CYP24A1: variants seen among roughly 807,000 people sequenced by gnomAD.
The protein encoded by CYP24A1 is cytochrome P450 family 24 subfamily A member 1.
A neutral mutation model predicts 62.4 loss-of-function variants in CYP24A1; 68 were observed. That is an observed-to-expected ratio of 1.09 (90% CI 0.90 to 1.33). The LOEUF is 1.33. Among genes scored for constraint, CYP24A1 ranks in the 40% most tolerant of loss-of-function variants. The pLI is 0.00. For missense variants in CYP24A1, 787 were observed against 653.0 expected (o/e 1.21, Z -2.24); for synonymous variants, 267 against 253.0 (o/e 1.06, Z -0.52).
downstream of CYP24A1, among the ~76,000 whole-genome samples, chr20:54,149,124 T>C (rs1326140834): frequency 1.3e-5 from 2 of 152,196 alleles, no homozygotes; most frequent in African/African-American, 4.8e-5. Context: ...TCATTAAATA[T>C]TTCCTTTTAC....
the CYP24A1 span, among the ~76,000 whole-genome samples, chr20:54,146,130 A>T: frequency 4.6e-5 from 7 of 152,352 alleles, no homozygotes; most frequent in Admixed American, 4.6e-4. Flanking sequence ...ATATAATGCC[A>T]ATCACACAGT....
downstream of CYP24A1, among the ~76,000 whole-genome samples, chr20:54,149,668 G>A (rs2092609662): frequency 6.6e-6 from 1 of 152,132 alleles, no homozygotes; most frequent in Non-Finnish European, 1.5e-5. Flanking sequence ...ACTTACACAG[G>A]GGATGGAGTG....
At position 54,172,995 on chromosome 20, in the gene CYP24A1, G is replaced by C. The variant is rs750735792; in HGVS notation, c.363C>G (p.Thr121=). The part of the protein sequence containing the change: ...SPCLLEALYR[T]ESAYPQRLEI... Reference sequence around the variant, plus strand: ...CCAGCCGCTGCGGGTACGCGCTCTCGGTGCGGTACAGCGCTTCCAGCAGGC... The same window carrying C: ...CCAGCCGCTGCGGGTACGCGCTCTCCGTGCGGTACAGCGCTTCCAGCAGGC... The change falls in exon 2 of 12, where the codon ACC becomes ACG. Residue 121 remains threonine, a synonymous_variant. Coordinates refer to ENST00000216862, the MANE Select transcript of CYP24A1 (RefSeq NM_000782.5). The C allele has an allele frequency of 8.1e-6, 13 of 1,612,420 alleles. No individual in the cohort carries two copies. The Middle Eastern group carries it at 5.0e-4, about 61-fold the overall frequency.
At chr20:54,169,434 G>A (rs1287262683) in intron 4 of CYP24A1, among the ~76,000 whole-genome samples, 158 bp downstream of exon 4, 1 of 152,134 alleles carries the variant, frequency 6.6e-6, no homozygotes, top group Middle Eastern at 3.2e-3. Context: ...CATAGTTCAA[G>A]GCATAACTTA....
At chr20:54,148,752 A>G (rs1006222796), downstream of CYP24A1, among the ~76,000 whole-genome samples, 22 of 152,230 alleles carry the variant, frequency 1.4e-4, no homozygotes, top group African/African-American at 5.3e-4. Flanking sequence ...GACAGTGTAA[A>G]AATTATAACC....
At chr20:54,155,502 G>C (rs1568964094) in intron 11 of CYP24A1, among the ~76,000 whole-genome samples, 2 of 152,092 alleles carry the variant, frequency 1.3e-5, no homozygotes, top group Non-Finnish European at 2.9e-5. Flanking sequence ...GGGAGGCCGA[G>C]GCGGGTGGAT....
At position 54,165,757 on chromosome 20, in the gene CYP24A1, G is replaced by A; in HGVS notation, c.717C>T (p.Ile239=). ...KNAGDEAVNF[I]MAIKTMMSTF... is the part of the protein sequence containing the mutation. The stretch of plus-strand genomic sequence containing the variant: ...GGCTGCTTACTGTTTTGATGGCCAT[G>A]ATGAAGTTCACAGCTTCATCCCCTG... The change falls in exon 5 of 12, where the codon ATC becomes ATT. Residue 239 remains isoleucine, a synonymous_variant. Transcript: ENST00000216862. 1 of 1,492,710 alleles carries A rather than the reference G, an allele frequency of 6.7e-7. No individual in the cohort carries two copies. Among genetic ancestry groups the A allele is most frequent in the African/African-American group, 1.4e-5 (1 of 72,778 alleles). 92.5% of individuals were successfully genotyped at this position (1,492,710 alleles called of 1,614,324 possible).
the CYP24A1 span, among the ~76,000 whole-genome samples, chr20:54,145,639 CA>C: frequency 0.47 from 44,486 of 93,994 alleles, 7,795 homozygotes; most frequent in East Asian, 0.59. Context: ...GACTCTGTCT[CA>C]AAAAAAAAAA....
the CYP24A1 span, among the ~76,000 whole-genome samples, chr20:54,144,216 CTT>C: frequency 2.8e-4 from 39 of 141,696 alleles, no homozygotes; most frequent in East Asian, 4.0e-4. Flanking sequence ...CTCTTTCTTT[CTT>C]TTTTTTTTTT....
the CYP24A1 span, among the ~76,000 whole-genome samples, chr20:54,147,347 A>C: frequency 1.6e-4 from 24 of 152,230 alleles, no homozygotes; most frequent in African/African-American, 5.8e-4. Context: ...CTAAAAACCA[A>C]AGGAAAAAAA....
chr20:54,173,526 C>G lies in CYP24A1; in HGVS notation c.54G>C (p.Leu18=), dbSNP rs753717673. The G allele has an allele frequency of 1.8e-5, 28 of 1,575,256 alleles. No homozygotes were observed. The highest frequency in any genetic ancestry group is 2.4e-5 in the Non-Finnish European group (28 of 1,162,294). ...SRSLAAFLQQ[L]RSPRQPPRLV... ...GTCTCGGGGGCTGCCTCGGACTGCG[C>G]AGCTGCTGCAGGAAGGCGGCAAGCG... is the stretch of plus-strand genomic sequence containing the variant. The change falls in exon 1 of 12, where the codon CTG becomes CTC. Residue 18 remains leucine, a synonymous_variant. Transcript: ENST00000216862. This position sits in a 1 kb window ranked among gnomAD's most constrained non-coding sequence, Gnocchi z 7.2.
At chr20:54,144,514 C>T in the CYP24A1 span, among the ~76,000 whole-genome samples, 35 of 151,800 alleles carry the variant, frequency 2.3e-4, no homozygotes, top group South Asian at 6.2e-4. Flanking sequence ...CTCAGCCTCC[C>T]AAAGTGCTGA....
At chr20:54,164,414 GGGCTGGTTCT>G in intron 6 of CYP24A1, 28 bp downstream of exon 6, 1 of 1,613,790 alleles carries the variant, frequency 6.2e-7, no homozygotes, top group Non-Finnish European at 8.5e-7. Context: ...CGGGGGTGCT[GGGCTGGTTCT>G]GGCTGGTTGT....
the CYP24A1 span, among the ~76,000 whole-genome samples, chr20:54,146,136 ACAGT>A: frequency 6.6e-6 from 1 of 152,218 alleles, no homozygotes; most frequent in Admixed American, 6.5e-5. Flanking sequence ...TGCCAATCAC[ACAGT>A]CAGCCCTTAA....
intron 11 of CYP24A1, among the ~76,000 whole-genome samples, chr20:54,156,691 A>T (rs1385499600): frequency 6.6e-6 from 1 of 152,248 alleles, no homozygotes; most frequent in Admixed American, 6.5e-5. Flanking sequence ...AAGTTTTAGT[A>T]ATTTGCGGTG....
chr20:54,167,307 A>T (rs1465470015), intron 4 of CYP24A1, among the ~76,000 whole-genome samples: 2 of 152,162 alleles, frequency 1.3e-5, no homozygotes, highest in Non-Finnish European at 2.9e-5. Context: ...ACCACTGGGA[A>T]TATGTGAGAT....
At chr20:54,150,422 C>A (rs980678860), downstream of CYP24A1, among the ~76,000 whole-genome samples, 1 of 70,988 alleles carries the variant, frequency 1.4e-5, no homozygotes, top group African/African-American at 8.3e-5. Flanking sequence ...TAACCTCCGC[C>A]CCCCAGGTTC....
rs550482750 is a variant in CYP24A1, at chr20:54,173,479, G to T, written c.101C>A (p.Thr34Lys). The T allele has an allele frequency of 3.0e-5, 47 of 1,564,608 alleles. No homozygotes were observed. The South Asian group carries it at 4.9e-4, about 16-fold the overall frequency. ...TGGCACCTCTCGCGGCTGAGGGGAC[G>T]TGTACGCCGTAGATGTCACCAGTCT... Reference protein sequence around the residue: ...PPRLVTSTAYTSPQPREVPVC... With the variant: ...PPRLVTSTAYKSPQPREVPVC... The change falls in exon 1 of 12, where the codon ACG becomes AAG. Residue 34 changes from threonine to lysine, a missense_variant. Coordinates refer to ENST00000216862, the MANE Select transcript of CYP24A1 (RefSeq NM_000782.5). The surrounding 1 kb of genome is among the most constrained non-coding windows in gnomAD (Gnocchi z 7.2).
At chr20:54,160,357 T>C (rs1243653650) in intron 7 of CYP24A1, among the ~76,000 whole-genome samples, 2 of 152,254 alleles carry the variant, frequency 1.3e-5, no homozygotes, top group Non-Finnish European at 2.9e-5. Context: ...GTCATATGTA[T>C]TTATTTTTTA....
Sources: gnomAD v4.1 joint callset for allele counts (sites outside exome capture counted in the v4.1 genomes callset) on GRCh38, gnomAD v4.1.1 for gene constraint, Gnocchi (gnomAD v3.1) non-coding constraint, MANE v1.5 for transcripts, NCBI Gene and HGNC (gene_info 2026-07-23, HGNC 2026-07-21) for gene names.